ASB18: variants seen among roughly 807,000 people sequenced by gnomAD.
The protein encoded by ASB18 is ankyrin repeat and SOCS box containing 18, also known as ankyrin repeat and SOCS box protein 18.
Under a neutral mutation model 33.4 loss-of-function variants are expected in ASB18, and 33 were observed. The ratio of observed to expected loss-of-function variants is 0.99; its 90% CI spans 0.75 to 1.32. The LOEUF is 1.32. Among genes scored for constraint, ASB18 ranks in the 40% most tolerant of loss-of-function variants. The pLI is 0.00. For missense variants in ASB18, 694 were observed against 655.5 expected, an observed-to-expected ratio of 1.06 and a Z score of -0.64; for synonymous variants, 295 against 307.6, an observed-to-expected ratio of 0.96 and a Z score of 0.43.
At chr2:236,197,950 T>C (rs945291147) in intron 4 of ASB18, among the ~76,000 whole-genome samples, 7 of 152,220 alleles carry the variant, frequency 4.6e-5, no homozygotes, top group African/African-American at 1.4e-4. Context: ...TATTTCTTGG[T>C]TGAGAGACCA....
chr2:236,218,176 G>A (rs1307376634), intron 3 of ASB18, among the ~76,000 whole-genome samples: 1 of 152,188 alleles, frequency 6.6e-6, no homozygotes, highest in Non-Finnish European at 1.5e-5. Flanking sequence ...ATACCTTTCA[G>A]AGGAATGAGG....
chr2:236,231,032 A>C lies in ASB18; in HGVS notation c.596+6657T>G, dbSNP rs1840138. Among the ~76,000 whole-genome samples the C allele has an allele frequency of 0.36, 55,040 of 151,944 alleles. 10,158 individuals are homozygous for C. The highest frequency in any genetic ancestry group is 0.44 in the Middle Eastern group (130 of 294). On this transcript the variant is annotated intron_variant, in intron 3 of 5. Transcript: ENST00000409749. This position sits in a 1 kb window ranked among gnomAD's most constrained non-coding sequence, Gnocchi z 5.5. ...ATGAAAGGATGGTATGGTAGGCAGTATCTAGCATGGTCCCCCACTGAAGTC... is the reference window on the plus strand; with the variant it reads ...ATGAAAGGATGGTATGGTAGGCAGTCTCTAGCATGGTCCCCCACTGAAGTC...
chr2:236,236,705 G>A (rs73128925), intron 3 of ASB18, among the ~76,000 whole-genome samples: 6,978 of 152,140 alleles, frequency 0.046, 306 homozygotes, highest in African/African-American at 0.12. Context: ...CCGCCTGCCT[G>A]CGTTGCTGCC....
intron 4 of ASB18, among the ~76,000 whole-genome samples, chr2:236,199,229 T>C (rs1034817543): frequency 5.3e-5 from 8 of 151,922 alleles, no homozygotes; most frequent in African/African-American, 1.9e-4. Flanking sequence ...CTGACCAACA[T>C]GATGAAACCC....
rs1396029655 is a variant in ASB18 at position 236,234,821 on chromosome 2, T to A, written c.596+2868A>T. The stretch of plus-strand genomic sequence containing the variant: ...ATGGATCACAGACTTAAATGTAAAA[T>A]GTAAAGTTATGAAATTTCTAGAAGA... On this transcript the variant is annotated intron_variant, in intron 3 of 5. Transcript: ENST00000409749. The surrounding 1 kb of genome is among the most constrained non-coding windows in gnomAD (Gnocchi z 4.1). 6.6e-6 allele frequency among the ~76,000 whole-genome samples: 1 copy of A among 152,148 alleles called. No homozygotes were observed.
chr2:236,214,206 C>T lies in ASB18; in HGVS notation c.1101+156G>A. On this transcript the variant is annotated intron_variant, in intron 4 of 5. Coordinates refer to ENST00000409749, the MANE Select transcript of ASB18 (RefSeq NM_212556.4). The surrounding 1 kb of genome is among the most constrained non-coding windows in gnomAD (Gnocchi z 6.5). Reference sequence around the variant, plus strand: ...CTTGTTGGCAATGCAGGCTCTCCCACCCCAGACCGGCAGAGCAGATTCTGC... The same window carrying T: ...CTTGTTGGCAATGCAGGCTCTCCCATCCCAGACCGGCAGAGCAGATTCTGC... 1.3e-6 allele frequency: 1 copy of T among 791,930 alleles called. No individual in the cohort carries two copies. Among genetic ancestry groups the T allele is most frequent in the East Asian group, 3.1e-5 (1 of 32,404 alleles). The allele number at this position is 791,930 out of a possible 1,614,324, so 49.1% of individuals were successfully genotyped here. A position where few individuals can be genotyped will look rare whatever the true frequency, so the allele number is the denominator to read the frequency against.
In ASB18 at chr2:236,205,307, G is replaced by A. The variant is rs1576395017; in HGVS notation, c.1102-8922C>T. 6.6e-6 allele frequency among the ~76,000 whole-genome samples: 1 copy of A among 152,254 alleles called. No individual in the cohort carries two copies. Among genetic ancestry groups the A allele is most frequent in the Non-Finnish European group, 1.5e-5 (1 of 68,020 alleles). ...ATCTCCGGCCACACTGGTCCCCTGTGGTTCTGTGCGCAGGGCTGGCCCACT... is the reference window on the plus strand; with the variant it reads ...ATCTCCGGCCACACTGGTCCCCTGTAGTTCTGTGCGCAGGGCTGGCCCACT... On this transcript the variant is annotated intron_variant, in intron 4 of 5. Transcript: ENST00000409749. The surrounding 1 kb of genome is among the most constrained non-coding windows in gnomAD (Gnocchi z 5.4).
rs1370728241 is a variant in ASB18, at chr2:236,222,788, G to A, written c.597-7922C>T. 3.9e-5 allele frequency among the ~76,000 whole-genome samples: 6 copies of A among 152,160 alleles called. No homozygotes were observed. Among genetic ancestry groups the A allele is most frequent in the South Asian group, 2.1e-4 (1 of 4,830 alleles). ...TAATCCCAACACTTTGGGAGGCCGA[G>A]GTATGTGGATCACCTGAGTTCAGGA... On this transcript the variant is annotated intron_variant, in intron 3 of 5. Coordinates refer to ENST00000409749, the MANE Select transcript of ASB18 (RefSeq NM_212556.4). This position sits in a 1 kb window ranked among gnomAD's most constrained non-coding sequence, Gnocchi z 5.5.
At position 236,200,941 on chromosome 2, in the gene ASB18, C is replaced by A. The variant is rs2060397822; in HGVS notation, c.1102-4556G>T. Among the ~76,000 whole-genome samples, 1 of 152,142 alleles carries A rather than the reference C, an allele frequency of 6.6e-6. No homozygotes were observed. The highest frequency in any genetic ancestry group is 6.5e-5 in the Admixed American group (1 of 15,270). ...ATCATTATTAACTCCTTTCTCCTAT[C>A]TCCTTAGGTATGTTTTGTTTGTCTT... On this transcript the variant is annotated intron_variant, in intron 4 of 5. Transcript: ENST00000409749. The surrounding 1 kb of genome is among the most constrained non-coding windows in gnomAD (Gnocchi z 4.2).
At position 236,249,935 on chromosome 2, in the gene ASB18, T is replaced by C. The variant is rs1461134719; in HGVS notation, c.206-8533A>G. ...GACTTAAATAATAAGCATGATGTTT[T>C]GTCTGCAGGAGACACAAACATGAGT... On this transcript the variant is annotated intron_variant, in intron 1 of 5. Coordinates refer to ENST00000409749, the MANE Select transcript of ASB18 (RefSeq NM_212556.4). The surrounding 1 kb of genome is among the most constrained non-coding windows in gnomAD (Gnocchi z 4.6). 1 of 152,234 alleles carries C rather than the reference T, an allele frequency of 6.6e-6. No individual in the cohort carries two copies. The highest frequency in any genetic ancestry group is 1.5e-5 in the Non-Finnish European group (1 of 68,042). The allele number at this position is 152,234 out of a possible 1,614,324, so 9.4% of individuals were successfully genotyped here. A position where few individuals can be genotyped will look rare whatever the true frequency, so the allele number is the denominator to read the frequency against.
At position 236,234,172 on chromosome 2, in the gene ASB18, G is replaced by A. The variant is rs2060578845; in HGVS notation, c.596+3517C>T. ...GGAACCACTACTGAATCTACGTCTTGGTAGAACACCTGGATACTCCTGGGT... is the reference window on the plus strand; with the variant it reads ...GGAACCACTACTGAATCTACGTCTTAGTAGAACACCTGGATACTCCTGGGT... On this transcript the variant is annotated intron_variant, in intron 3 of 5. Coordinates refer to ENST00000409749, the MANE Select transcript of ASB18 (RefSeq NM_212556.4). The surrounding 1 kb of genome is among the most constrained non-coding windows in gnomAD (Gnocchi z 4.1). Among the ~76,000 whole-genome samples, 1 of 152,148 alleles carries A rather than the reference G, an allele frequency of 6.6e-6. No homozygotes were observed. The highest frequency in any genetic ancestry group is 2.4e-5 in the African/African-American group (1 of 41,426).
intron 4 of ASB18, among the ~76,000 whole-genome samples, chr2:236,202,715 G>A (rs2060410096): frequency 6.8e-6 from 1 of 146,650 alleles, no homozygotes; most frequent in Non-Finnish European, 1.5e-5. Context: ...GGAGGCAGAG[G>A]TTGCAGTGAG....
intron 4 of ASB18, among the ~76,000 whole-genome samples, chr2:236,197,261 G>A (rs572492336): frequency 3.3e-5 from 5 of 152,262 alleles, no homozygotes; most frequent in East Asian, 1.9e-4. Context: ...TACAATCAGT[G>A]TTTAAATTCA....
chr2:236,255,523 G>A lies in ASB18; in HGVS notation c.205+8618C>T, dbSNP rs771226526. 6.6e-6 allele frequency among the ~76,000 whole-genome samples: 1 copy of A among 152,196 alleles called. No individual in the cohort carries two copies. The highest frequency in any genetic ancestry group is 1.5e-5 in the Non-Finnish European group (1 of 68,036). On this transcript the variant is annotated intron_variant, in intron 1 of 5. Transcript: ENST00000409749. This position sits in a 1 kb window ranked among gnomAD's most constrained non-coding sequence, Gnocchi z 4.4. ...TCTTTTTCAGGTGGGCACATTGCAT[G>A]CCACAGGGATTTTGCTGGTAAAGCA...
rs902692598 is a variant in ASB18 at position 236,231,503 on chromosome 2, A to G, written c.596+6186T>C. ...ACAATGCCATCTTGGAAGCAACACAATGCCATCTTGGAAGCAGAGAACATG... is the reference window on the plus strand; with the variant it reads ...ACAATGCCATCTTGGAAGCAACACAGTGCCATCTTGGAAGCAGAGAACATG... On this transcript the variant is annotated intron_variant, in intron 3 of 5. Coordinates refer to ENST00000409749, the MANE Select transcript of ASB18 (RefSeq NM_212556.4). The surrounding 1 kb of genome is among the most constrained non-coding windows in gnomAD (Gnocchi z 5.5). Among the ~76,000 whole-genome samples the G allele has an allele frequency of 1.1e-4, 16 of 151,980 alleles. No individual in the cohort carries two copies. The highest frequency in any genetic ancestry group is 3.9e-4 in the African/African-American group (16 of 41,386).
At position 236,234,623 on chromosome 2, in the gene ASB18, G is replaced by T. The variant is rs1351043492; in HGVS notation, c.596+3066C>A. Among the ~76,000 whole-genome samples the T allele has an allele frequency of 6.6e-6, 1 of 152,148 alleles. No individual in the cohort carries two copies. The highest frequency in any genetic ancestry group is 2.1e-4 in the South Asian group (1 of 4,828). Reference sequence around the variant, plus strand: ...TCAGAAATAAACTCACGCATATATAGTCCATTCATTTTTGACAAAGGTGCA... The same window carrying T: ...TCAGAAATAAACTCACGCATATATATTCCATTCATTTTTGACAAAGGTGCA... On this transcript the variant is annotated intron_variant, in intron 3 of 5. Coordinates refer to ENST00000409749, the MANE Select transcript of ASB18 (RefSeq NM_212556.4). This position sits in a 1 kb window ranked among gnomAD's most constrained non-coding sequence, Gnocchi z 4.1.
Position 236,253,535 on chromosome 2 carries a change from C to CTTA in ASB18, c.205+10603_205+10605dup, listed in dbSNP as rs56904956. ...GGGACTACAGCCACTTGCTGGTTAA[C>CTTA]TTATTATTATTATTATTATTATTAT... On this transcript the variant is annotated intron_variant, in intron 1 of 5. Coordinates refer to ENST00000409749, the MANE Select transcript of ASB18 (RefSeq NM_212556.4). The surrounding 1 kb of genome is among the most constrained non-coding windows in gnomAD (Gnocchi z 5.4). Among the ~76,000 whole-genome samples, 1,382 of 146,204 alleles carry CTTA rather than the reference C, an allele frequency of 9.5e-3. 10 individuals are homozygous for CTTA. Among genetic ancestry groups the CTTA allele is most frequent in the Non-Finnish European group, 0.015 (990 of 66,476 alleles).
chr2:236,261,244 T>C (rs1009602201), intron 1 of ASB18, among the ~76,000 whole-genome samples: 2 of 152,186 alleles, frequency 1.3e-5, no homozygotes, highest in African/African-American at 4.8e-5. Flanking sequence ...TGGGAGAGCT[T>C]AGGCAAGAAC....
rs1553600512 is a variant in ASB18, at chr2:236,217,424, A to AATAAAAAAAT, written c.597-2559_597-2558insATTTTTTTAT. ...CGAGACTCTGTCTCAAAAAAAAAAA[A>AATAAAAAAAT]AAATAAATCTTGGCACCTTCAACTC... On this transcript the variant is annotated intron_variant, in intron 3 of 5. Transcript: ENST00000409749. This position sits in a 1 kb window ranked among gnomAD's most constrained non-coding sequence, Gnocchi z 5.2. Among the ~76,000 whole-genome samples the AATAAAAAAAT allele has an allele frequency of 2.0e-5, 3 of 150,406 alleles. No homozygotes were observed. The highest frequency in any genetic ancestry group is 4.9e-5 in the African/African-American group (2 of 40,516).
Sources: allele counts gnomAD v4.1 joint callset (sites outside exome capture counted in the v4.1 genomes callset), GRCh38; gene constraint gnomAD v4.1.1; non-coding constraint Gnocchi (gnomAD v3.1); transcripts MANE v1.5; gene names NCBI Gene and HGNC (gene_info 2026-07-23, HGNC 2026-07-21).